WWOX: variants seen among roughly 807,000 people sequenced by gnomAD.
WWOX encodes the protein WW domain containing oxidoreductase.
A neutral mutation model predicts 46.2 loss-of-function variants in WWOX; 69 were observed. That is an observed-to-expected ratio of 1.49 (90% CI 1.23 to 1.82). The LOEUF is 1.82. Among genes scored for constraint, WWOX ranks in the 40% most tolerant of loss-of-function variants. The pLI, the probability that WWOX is intolerant of heterozygous loss-of-function variation, is 0.00. For synonymous variants in WWOX, 359 were observed against 202.6 expected (o/e 1.77, Z -6.56); for missense variants, 919 against 542.6 (o/e 1.69, Z -6.89).
chr16:78,404,434 G>C (rs2082479228), intron 6 of WWOX, among the ~76,000 whole-genome samples: 1 of 152,124 alleles, frequency 6.6e-6, no homozygotes, highest in South Asian at 2.1e-4. Flanking sequence ...GTGAGAAGCT[G>C]AGGGTCACAG....
intron 8 of WWOX, among the ~76,000 whole-genome samples, chr16:78,530,365 G>A (rs2738488): frequency 0.85 from 129,666 of 152,138 alleles, 55,825 homozygotes; most frequent in East Asian, 1. Flanking sequence ...AAGGATGGCA[G>A]ATGTGGGGGA....
intron 7 of WWOX, among the ~76,000 whole-genome samples, chr16:78,426,215 A>T (rs2083074354): frequency 6.6e-6 from 1 of 152,190 alleles, no homozygotes. Context: ...CAGGTTTGTG[A>T]AGGAAAGTGG....
At chr16:78,410,412 G>A (rs906632506) in intron 6 of WWOX, among the ~76,000 whole-genome samples, 2 of 152,060 alleles carry the variant, frequency 1.3e-5, no homozygotes, top group Admixed American at 1.3e-4. Flanking sequence ...GGACTTCTTT[G>A]GGGGACTTTT....
intron 8 of WWOX, among the ~76,000 whole-genome samples, chr16:79,209,912 C>T (rs531596555): frequency 1.2e-4 from 18 of 152,314 alleles, no homozygotes; most frequent in Admixed American, 7.2e-4. Context: ...TTCCATTAGA[C>T]TTGAGCCACA....
intron 8 of WWOX, among the ~76,000 whole-genome samples, chr16:78,943,480 G>A (rs1404258262): frequency 6.6e-6 from 1 of 152,196 alleles, no homozygotes; most frequent in Non-Finnish European, 1.5e-5. Context: ...TAAACTTGCA[G>A]AGCAGCTGAG....
chr16:78,732,933 T>C (rs1411650499), intron 8 of WWOX, among the ~76,000 whole-genome samples: 1 of 152,228 alleles, frequency 6.6e-6, no homozygotes, highest in Admixed American at 6.5e-5. Flanking sequence ...ATTTATTCTG[T>C]TGTCACAGCA....
intron 5 of WWOX, among the ~76,000 whole-genome samples, chr16:78,250,914 C>A (rs2037967562): frequency 6.6e-6 from 1 of 152,148 alleles, no homozygotes. Flanking sequence ...GACCTCAATC[C>A]CCTGTTTGGC....
chr16:78,985,047 C>A (rs1298834353), intron 8 of WWOX, among the ~76,000 whole-genome samples: 1 of 152,192 alleles, frequency 6.6e-6, no homozygotes, highest in Admixed American at 6.5e-5. Flanking sequence ...GCCCCCTCCA[C>A]CCCGCTCTGT....
intron 8 of WWOX, among the ~76,000 whole-genome samples, chr16:78,756,418 G>A (rs113268312): frequency 2.2e-4 from 33 of 152,258 alleles, no homozygotes; most frequent in African/African-American, 7.7e-4. Flanking sequence ...CATTATTCAG[G>A]AAGCTCTGAA....
intron 8 of WWOX, among the ~76,000 whole-genome samples, chr16:79,022,704 C>T (rs2047558610): frequency 6.6e-6 from 1 of 152,114 alleles, no homozygotes; most frequent in African/African-American, 2.4e-5. Flanking sequence ...GGGGCTGGAG[C>T]CCAAGAGGGA....
At position 78,145,540 on chromosome 16, in the gene WWOX, C is replaced by T. The variant is rs551503707; in HGVS notation, c.410-18643C>T. On this transcript the variant is annotated intron_variant, in intron 4 of 8. Coordinates refer to ENST00000566780, the MANE Select transcript of WWOX (RefSeq NM_016373.4). Reference sequence around the variant, plus strand: ...TCTCCTGCCTGCTTTTCTCTTGGCTCGCTGGCAGCTGATTAGATGGTACCA... The same window carrying T: ...TCTCCTGCCTGCTTTTCTCTTGGCTTGCTGGCAGCTGATTAGATGGTACCA... Among the ~76,000 whole-genome samples the T allele has an allele frequency of 4.4e-4, 67 of 152,220 alleles. 1 individual carries two copies. The South Asian group carries it at 9.4e-3, about 21-fold the overall frequency.
chr16:79,048,196 A>C (rs1366527773), intron 8 of WWOX, among the ~76,000 whole-genome samples: 1 of 152,164 alleles, frequency 6.6e-6, no homozygotes, highest in East Asian at 1.9e-4. Flanking sequence ...TATTTTTTGA[A>C]CTGAAGGGCA....
rs764222591 is a variant in WWOX, at chr16:79,212,157, A to G, written c.*361A>G. 10 of 1,502,854 alleles carry G rather than the reference A, an allele frequency of 6.7e-6. No individual in the cohort carries two copies. The highest frequency in any genetic ancestry group is 8.8e-6 in the Non-Finnish European group (10 of 1,130,958). The allele number at this position is 1,502,854 out of a possible 1,614,324, so 93.1% of individuals were successfully genotyped here. ...TGAGGTCCCCTCGTCCCATCCAGCT[A>G]CCACCACGGCCACCACTGCAGCCGG... On this transcript the variant is annotated 3_prime_UTR_variant, in exon 9 of 9. Transcript: ENST00000566780.
chr16:78,286,190 A>G (rs1236437715), intron 5 of WWOX, among the ~76,000 whole-genome samples: 1 of 152,234 alleles, frequency 6.6e-6, no homozygotes, highest in African/African-American at 2.4e-5. Flanking sequence ...TACTTTTTTC[A>G]CAAGGCGAAA....
chr16:79,084,766 A>T (rs1482731359), intron 8 of WWOX, among the ~76,000 whole-genome samples: 1 of 152,052 alleles, frequency 6.6e-6, no homozygotes, highest in Non-Finnish European at 1.5e-5. Context: ...ACTCCTTGTT[A>T]GGGTTTGCTG....
chr16:79,071,668 C>T (rs1466915988), intron 8 of WWOX, among the ~76,000 whole-genome samples: 1 of 152,252 alleles, frequency 6.6e-6, no homozygotes, highest in East Asian at 1.9e-4. Flanking sequence ...TTGGGTCTTT[C>T]TTGGCCTCCT....
At chr16:78,437,618 T>C (rs2083362677) in intron 8 of WWOX, among the ~76,000 whole-genome samples, 1 of 152,202 alleles carries the variant, frequency 6.6e-6, no homozygotes, top group South Asian at 2.1e-4. Flanking sequence ...TATTGGGGCG[T>C]CCTGGGAGGG....
chr16:78,185,590 C>T (rs1597324811), intron 5 of WWOX, among the ~76,000 whole-genome samples: 1 of 151,998 alleles, frequency 6.6e-6, no homozygotes, highest in Middle Eastern at 3.4e-3. Context: ...ATGAAGTAGG[C>T]ATGAAATGCT....
chr16:78,529,221 C>T (rs1327748843), intron 8 of WWOX, among the ~76,000 whole-genome samples: 1 of 152,100 alleles, frequency 6.6e-6, no homozygotes, highest in Non-Finnish European at 1.5e-5. Context: ...TCCCAAAATG[C>T]CGAGATTATG....
Sources: allele counts gnomAD v4.1 joint callset (sites outside exome capture counted in the v4.1 genomes callset), GRCh38; gene constraint gnomAD v4.1.1; transcripts MANE v1.5; gene names NCBI Gene and HGNC (gene_info 2026-07-23, HGNC 2026-07-21).